Variants in IL1RAPL1 observed in about 807,000 individuals in gnomAD.
The protein encoded by IL1RAPL1 is interleukin 1 receptor accessory protein like 1.
In IL1RAPL1, 3 loss-of-function variants were observed where a neutral mutation model predicts 48.4. The ratio of observed to expected loss-of-function variants is 0.06; its 90% CI spans 0.03 to 0.16. The LOEUF is 0.16. IL1RAPL1 is among the 10% of genes least tolerant of loss of function. IL1RAPL1 has a pLI of 1.00. For synonymous variants in IL1RAPL1, 185 were observed against 187.7 expected (o/e 0.99, Z 0.12); for missense variants, 349 against 530.6 (o/e 0.66, Z 3.36).
chrX:28,676,802 T>A (rs1179842290), intron 1 of IL1RAPL1, among the ~76,000 whole-genome samples: 1 of 110,529 alleles, frequency 9.0e-6, no homozygotes, highest in Admixed American at 9.6e-5. Flanking sequence ...GGACTTATAT[T>A]GTTTTTGAGG....
intron 2 of IL1RAPL1, among the ~76,000 whole-genome samples, chrX:29,225,328 A>G (rs780787256): frequency 8.9e-6 from 1 of 112,142 alleles, no homozygotes; most frequent in East Asian, 2.8e-4. Context: ...GTAATGTTCC[A>G]CGTTCCAAGT....
intron 1 of IL1RAPL1, among the ~76,000 whole-genome samples, chrX:28,716,812 GA>G (rs1303342725): frequency 9.0e-6 from 1 of 111,160 alleles, no homozygotes; most frequent in Admixed American, 9.6e-5. Context: ...AAATTTACAA[GA>G]AAAAAACACC....
chrX:28,951,891 T>C (rs1924477788), intron 2 of IL1RAPL1, among the ~76,000 whole-genome samples: 1 of 111,474 alleles, frequency 9.0e-6, no homozygotes, highest in African/African-American at 3.3e-5. Context: ...TTTATCTTGA[T>C]GCTGGCTTTT....
At chrX:29,796,411 A>G (rs1300063783) in intron 6 of IL1RAPL1, among the ~76,000 whole-genome samples, 1 of 111,986 alleles carries the variant, frequency 8.9e-6, no homozygotes, top group Middle Eastern at 4.2e-3. Flanking sequence ...AGCAAAAATA[A>G]TGGTTTCTTG....
chrX:28,795,938 A>T (rs890113415), intron 2 of IL1RAPL1, among the ~76,000 whole-genome samples: 6 of 111,462 alleles, frequency 5.4e-5, no homozygotes, highest in Admixed American at 1.9e-4. Flanking sequence ...TGGGCAATTT[A>T]TAAAATAAAG....
At chrX:29,777,645 C>G (rs1382708171) in intron 6 of IL1RAPL1, among the ~76,000 whole-genome samples, 1 of 111,036 alleles carries the variant, frequency 9.0e-6, no homozygotes, top group African/African-American at 3.3e-5. Flanking sequence ...GAACTTTTTC[C>G]TCTTTCCCCC....
At chrX:28,902,285 C>G (rs1923097385) in intron 2 of IL1RAPL1, among the ~76,000 whole-genome samples, 1 of 111,183 alleles carries the variant, frequency 9.0e-6, no homozygotes, top group South Asian at 3.8e-4. Context: ...CATCTTCCTA[C>G]CTCAGCCTCC....
intron 5 of IL1RAPL1, among the ~76,000 whole-genome samples, chrX:29,606,373 C>T (rs894775055): frequency 9.0e-6 from 1 of 111,418 alleles, no homozygotes; most frequent in Non-Finnish European, 1.9e-5. Context: ...AAAGGGGGAA[C>T]GTGTTTGTAG....
chrX:29,899,732 C>G (rs1270346490), intron 6 of IL1RAPL1, among the ~76,000 whole-genome samples: 2 of 108,935 alleles, frequency 1.8e-5, no homozygotes. Flanking sequence ...TTAGTAGAGA[C>G]AGGGTTTCTC....
At chrX:29,923,984 G>A (rs1160710334) in intron 8 of IL1RAPL1, among the ~76,000 whole-genome samples, 1 of 111,695 alleles carries the variant, frequency 9.0e-6, no homozygotes, top group East Asian at 2.8e-4. Context: ...CTTAGGAGTA[G>A]GGCTGGCTGT....
At chrX:29,940,251 G>A (rs989573225) in intron 8 of IL1RAPL1, among the ~76,000 whole-genome samples, 2 of 110,783 alleles carry the variant, frequency 1.8e-5, no homozygotes, top group East Asian at 2.8e-4. Flanking sequence ...GAAAATGATG[G>A]CCGTGCTTTT....
At chrX:29,053,143 C>A in intron 2 of IL1RAPL1, among the ~76,000 whole-genome samples, 1 of 110,974 alleles carries the variant, frequency 9.0e-6, no homozygotes, top group African/African-American at 3.3e-5. Context: ...GTTTTCTGTT[C>A]CTCTGTTAGT....
intron 1 of IL1RAPL1, among the ~76,000 whole-genome samples, chrX:28,590,173 T>C (rs1385727127): frequency 9.0e-6 from 1 of 111,497 alleles, no homozygotes; most frequent in African/African-American, 3.3e-5. Context: ...ATCTGTTTTC[T>C]CCTCAATAGA....
In IL1RAPL1 at chrX:29,539,268, A is replaced by G. The variant is rs764008570; in HGVS notation, c.704-129162A>G. The stretch of plus-strand genomic sequence containing the variant: ...AACGTTGGTTTAACATACTCAAATC[A>G]ATAAATGTGACTCACTCATAAACAG... On this transcript the variant is annotated intron_variant, in intron 5 of 10. Transcript: ENST00000378993. 7.1e-5 allele frequency among the ~76,000 whole-genome samples: 8 copies of G among 112,008 alleles called. No individual in the cohort carries two copies. The South Asian group carries it at 3.0e-3, about 42-fold the overall frequency.
At chrX:28,898,870 G>C (rs1923001412) in intron 2 of IL1RAPL1, among the ~76,000 whole-genome samples, 1 of 108,722 alleles carries the variant, frequency 9.2e-6, no homozygotes, top group Non-Finnish European at 1.9e-5. Context: ...GCTCACTACA[G>C]ACTTGACCTC....
At chrX:29,496,271 G>A (rs1432878326) in intron 5 of IL1RAPL1, among the ~76,000 whole-genome samples, 1 of 110,336 alleles carries the variant, frequency 9.1e-6, no homozygotes, top group Admixed American at 9.7e-5. Flanking sequence ...CGGTGATATA[G>A]TTTGCATATT....
intron 1 of IL1RAPL1, among the ~76,000 whole-genome samples, chrX:28,624,955 C>A (rs141947243): frequency 8.9e-6 from 1 of 111,951 alleles, no homozygotes; most frequent in African/African-American, 3.2e-5. Context: ...CTCCATGGAG[C>A]TTTGCATAGT....
chrX:29,059,200 T>C (rs143127805), intron 2 of IL1RAPL1, among the ~76,000 whole-genome samples: 60 of 111,768 alleles, frequency 5.4e-4, no homozygotes, highest in African/African-American at 1.8e-3. Context: ...TCTTGGAAAG[T>C]AGATTTTTTT....
chrX:28,780,320 AGTGTGTGTGTGTATGT>A (rs1391329126), intron 1 of IL1RAPL1, among the ~76,000 whole-genome samples: 5 of 82,664 alleles, frequency 6.0e-5, no homozygotes, highest in African/African-American at 9.5e-5. Context: ...TTTCAATCAC[AGTGTGTGTGTGTATGT>A]GTGTGTGTGT....
Sources: allele counts gnomAD v4.1 joint callset (sites outside exome capture counted in the v4.1 genomes callset), GRCh38; gene constraint gnomAD v4.1.1; transcripts MANE v1.5; gene names NCBI Gene and HGNC (gene_info 2026-07-23, HGNC 2026-07-21).